Variants in ROCK2 observed in about 807,000 individuals in gnomAD.
ROCK2 encodes rho-associated protein kinase 2.
ROCK2 carries 61 observed loss-of-function variants against 195.1 expected under a neutral mutation model. The observed-to-expected ratio is 0.31, with a 90% CI of 0.25 to 0.39. The LOEUF (loss-of-function observed/expected upper bound fraction) is 0.39. Among genes scored for constraint, ROCK2 ranks in the 10% least tolerant of loss-of-function variants. The pLI is 1.00. For synonymous variants in ROCK2, 504 were observed against 545.5 expected, an observed-to-expected ratio of 0.92 and a Z score of 1.06; for missense variants, 1,109 against 1,637.4, an observed-to-expected ratio of 0.68 and a Z score of 5.57.
At chr2:11,313,006 T>A (rs1044137248) in intron 1 of ROCK2, among the ~76,000 whole-genome samples, 1 of 151,782 alleles carries the variant, frequency 6.6e-6, no homozygotes, top group Admixed American at 6.6e-5. Flanking sequence ...ACGGGGGAGT[T>A]TTAGGACAGT....
intron 11 of ROCK2, chr2:11,218,208 T>C (rs1023844222): frequency 5.8e-6 from 2 of 342,478 alleles, no homozygotes; most frequent in East Asian, 4.5e-5. Flanking sequence ...AGTTATTATA[T>C]GCTAATCAGA....
chr2:11,207,423 TGAGA>T (rs1664092269), intron 20 of ROCK2, among the ~76,000 whole-genome samples: 1 of 152,200 alleles, frequency 6.6e-6, no homozygotes, highest in Non-Finnish European at 1.5e-5. Context: ...ACAATAAGCT[TGAGA>T]AAGAGCCCTG....
In ROCK2 at chr2:11,186,120, C is replaced by T. The variant is rs532741194; in HGVS notation, c.4164-2680G>A. Among the ~76,000 whole-genome samples, 54 of 152,362 alleles carry T rather than the reference C, an allele frequency of 3.5e-4. 1 individual carries two copies. The South Asian group carries it at 0.01, about 29-fold the overall frequency. On this transcript the variant is annotated intron_variant, in intron 32 of 32. Transcript: ENST00000315872. ...AAAATAAACACAGCGACTCAAATTA[C>T]TCTTTTAAAATGTGCTAAACACAGC...
intron 32 of ROCK2, among the ~76,000 whole-genome samples, chr2:11,188,623 ATTTTTT>A (rs869060690): frequency 1.8e-5 from 1 of 55,060 alleles, no homozygotes; most frequent in African/African-American, 4.0e-5. Flanking sequence ...TTTTATTTTT[ATTTTTT>A]TATTTTTATT....
chr2:11,330,949 G>GGAA (rs1558400367), intron 1 of ROCK2, among the ~76,000 whole-genome samples: 1 of 880 alleles, frequency 1.1e-3, no homozygotes, highest in Admixed American at 0.015. Context: ...GAAGGGGGGA[G>GGAA]GGAGGAGGGA....
intron 12 of ROCK2, among the ~76,000 whole-genome samples, chr2:11,216,774 G>C (rs1208714000): frequency 6.6e-6 from 1 of 151,584 alleles, no homozygotes; most frequent in African/African-American, 2.4e-5. Context: ...ACCCAGGCTG[G>C]ACTGCAGTGG....
upstream of ROCK2, among the ~76,000 whole-genome samples, chr2:11,345,077 T>A (rs1223739063): frequency 1.3e-5 from 2 of 151,920 alleles, no homozygotes; most frequent in African/African-American, 4.8e-5. Flanking sequence ...TATGCGGGCC[T>A]CGCCTCACCC....
At chr2:11,293,483 G>C (rs1028680029) in intron 1 of ROCK2, among the ~76,000 whole-genome samples, 2 of 152,160 alleles carry the variant, frequency 1.3e-5, no homozygotes, top group Non-Finnish European at 2.9e-5. Context: ...AACTTTCCTA[G>C]GGCAAAAGAC....
chr2:11,198,669 G>A lies in ROCK2; in HGVS notation c.3004+12C>T, dbSNP rs1273935868. 1.8e-5 allele frequency: 29 copies of A among 1,581,824 alleles called. No homozygotes were observed. Among genetic ancestry groups the A allele is most frequent in the South Asian group, 2.3e-5 (2 of 87,622 alleles). The stretch of plus-strand genomic sequence containing the variant: ...GGTATATTAAAAATAAACATTTTTT[G>A]TTAATACATACGCTCTTGAACATCT... On this transcript the variant is annotated intron_variant, in intron 24 of 32. Coordinates refer to ENST00000315872, the MANE Select transcript of ROCK2 (RefSeq NM_004850.5).
rs746340013 is a variant in ROCK2 at position 11,219,146 on chromosome 2, C to T, written c.1260-120G>A. The T allele has an allele frequency of 4.7e-5, 22 of 469,638 alleles. 1 individual carries two copies. The highest frequency in any genetic ancestry group is 3.0e-4 in the South Asian group (8 of 26,348). 29.1% of individuals were successfully genotyped at this position (469,638 alleles called of 1,614,324 possible). ...AGATTTCTCTCTTTTCCCTTCAACACATTATTTACAAATGAAGCAATATTT... is the reference window on the plus strand; with the variant it reads ...AGATTTCTCTCTTTTCCCTTCAACATATTATTTACAAATGAAGCAATATTT... On this transcript the variant is annotated intron_variant, in intron 9 of 32. Transcript: ENST00000315872.
rs1427728064 is a variant in ROCK2, at chr2:11,201,921, T to C, written c.2619+131A>G. 3.0e-6 allele frequency: 2 copies of C among 655,766 alleles called. No homozygotes were observed. Among genetic ancestry groups the C allele is most frequent in the Non-Finnish European group, 5.4e-6 (2 of 369,096 alleles). The allele number at this position is 655,766 out of a possible 1,614,324, so 40.6% of individuals were successfully genotyped here. A position where few individuals can be genotyped will look rare whatever the true frequency, so the allele number is the denominator to read the frequency against. ...CTTAGAATTATTTTTCTAGCAATGA[T>C]AATAAATTTCTCTTAAACTATCTAC... On this transcript the variant is annotated intron_variant, in intron 21 of 32. Coordinates refer to ENST00000315872, the MANE Select transcript of ROCK2 (RefSeq NM_004850.5). The surrounding 1 kb of genome is among the most constrained non-coding windows in gnomAD (Gnocchi z 4.6).
At chr2:11,315,413 T>A (rs1165882960) in intron 1 of ROCK2, among the ~76,000 whole-genome samples, 1 of 151,940 alleles carries the variant, frequency 6.6e-6, no homozygotes, top group Non-Finnish European at 1.5e-5. Context: ...AAATAAACTA[T>A]GAGATGAATT....
chr2:11,222,183 T>C lies in ROCK2; in HGVS notation c.1008-9A>G, dbSNP rs1453783157. 4 of 1,503,356 alleles carry C rather than the reference T, an allele frequency of 2.7e-6. No individual in the cohort carries two copies. In the African/African-American group the frequency reaches 4.1e-5, roughly 15 times the overall value. The allele number at this position is 1,503,356 out of a possible 1,614,324, so 93.1% of individuals were successfully genotyped here. On this transcript the variant is annotated splice_polypyrimidine_tract_variant and intron_variant, in intron 7 of 32. Transcript: ENST00000315872. ...TCCCAAGTCGTACCTCCCTAAACAATGCAGTTAAAGATTGTATTATTTAAA... is the reference window on the plus strand; with the variant it reads ...TCCCAAGTCGTACCTCCCTAAACAACGCAGTTAAAGATTGTATTATTTAAA...
chr2:11,286,673 A>C, intron 2 of ROCK2, 34 bp from the exon 3 acceptor site: 1 of 1,092,096 alleles, frequency 9.2e-7, no homozygotes. Flanking sequence ...TTATAATATC[A>C]ATCATATTTA....
chr2:11,294,816 T>C (rs6753875), intron 1 of ROCK2, among the ~76,000 whole-genome samples: 117,991 of 151,852 alleles, frequency 0.78, 48,002 homozygotes, highest in East Asian at 0.94. Flanking sequence ...CTTGCTCTGT[T>C]GCCCAGGCTG....
intron 18 of ROCK2, 39 bp downstream of exon 18, chr2:11,211,642 G>T: frequency 6.6e-7 from 1 of 1,523,666 alleles, no homozygotes; most frequent in Non-Finnish European, 8.8e-7. Flanking sequence ...CAATTCTTAG[G>T]AAGACGCTGC....
intron 1 of ROCK2, among the ~76,000 whole-genome samples, chr2:11,325,821 T>C: frequency 6.6e-6 from 1 of 152,022 alleles, no homozygotes; most frequent in East Asian, 1.9e-4. Context: ...CATAATAATC[T>C]AGAAATAGCA....
At position 11,344,213 on chromosome 2, in the gene ROCK2, C is replaced by T; in HGVS notation, c.-77G>A. On this transcript the variant is annotated 5_prime_UTR_variant, in exon 1 of 33. Transcript: ENST00000315872. The surrounding 1 kb of genome is among the most constrained non-coding windows in gnomAD (Gnocchi z 5.4). ...CTCGGGGCCTAGCACCGCCCCCGAACCACCAGCTCCGGCCGGGACTCCACC... is the reference window on the plus strand; with the variant it reads ...CTCGGGGCCTAGCACCGCCCCCGAATCACCAGCTCCGGCCGGGACTCCACC... 1 of 1,334,148 alleles carries T rather than the reference C, an allele frequency of 7.5e-7. No individual in the cohort carries two copies. Among genetic ancestry groups the T allele is most frequent in the Non-Finnish European group, 9.6e-7 (1 of 1,046,152 alleles). The allele number at this position is 1,334,148 out of a possible 1,614,324, so 82.6% of individuals were successfully genotyped here.
chr2:11,312,400 CAA>C (rs767079488), intron 1 of ROCK2, among the ~76,000 whole-genome samples: 4 of 152,092 alleles, frequency 2.6e-5, no homozygotes, highest in African/African-American at 9.7e-5. Flanking sequence ...CATCAACCCA[CAA>C]AGTTTCCTGT....
Sources: gnomAD v4.1 joint callset for allele counts (sites outside exome capture counted in the v4.1 genomes callset) on GRCh38, gnomAD v4.1.1 for gene constraint, Gnocchi (gnomAD v3.1) non-coding constraint, MANE v1.5 for transcripts, NCBI Gene and HGNC (gene_info 2026-07-23, HGNC 2026-07-21) for gene names.